The following COMMD1 variants were observed in gnomAD, a reference collection of about 807,000 sequenced individuals.
COMMD1 encodes copper metabolism domain containing 1.
A neutral mutation model predicts 17.2 loss-of-function variants in COMMD1; 10 were observed. That is an observed-to-expected ratio of 0.58 (90% confidence interval 0.36 to 0.99). COMMD1 has a LOEUF of 0.99. Ranked by LOEUF, COMMD1 falls within the 50% of genes least tolerant of loss-of-function variation. The probability of loss-of-function intolerance (pLI) is 0.01; values close to 1 mark genes in which losing one functional copy is unlikely to be tolerated. For synonymous variants in COMMD1, 97 were observed against 91.6 expected (o/e 1.06, Z -0.34); for missense variants, 270 against 231.8 (o/e 1.17, Z -1.07).
chr2:61,903,635 C>T (rs1669705348), upstream of COMMD1, among the ~76,000 whole-genome samples: 1 of 151,748 alleles, frequency 6.6e-6, no homozygotes, highest in Non-Finnish European at 1.5e-5. Context: ...TCACTGCAGC[C>T]TCTGCTTCCT....
chr2:62,105,872 G>A (rs1015241896), intron 2 of COMMD1, among the ~76,000 whole-genome samples: 1 of 152,124 alleles, frequency 6.6e-6, no homozygotes, highest in Admixed American at 6.5e-5. Context: ...ATTTACTGCC[G>A]CAAAGACAGC....
At chr2:61,975,270 G>A (rs138262675) in intron 1 of COMMD1, among the ~76,000 whole-genome samples, 205 of 151,918 alleles carry the variant, frequency 1.3e-3, no homozygotes, top group Non-Finnish European at 2.3e-3. Flanking sequence ...CCTACTGAAG[G>A]ACATTTTGGT....
intron 1 of COMMD1, among the ~76,000 whole-genome samples, chr2:61,968,799 C>T (rs560388337): frequency 6.6e-6 from 1 of 152,130 alleles, no homozygotes; most frequent in East Asian, 1.9e-4. Context: ...CTCAAGCAGT[C>T]CATTTGCCTC....
chr2:62,039,059 C>T (rs1240373040), intron 2 of COMMD1, among the ~76,000 whole-genome samples: 1 of 152,152 alleles, frequency 6.6e-6, no homozygotes, highest in Non-Finnish European at 1.5e-5. Context: ...CTTTCTCTGC[C>T]ATTCCCAAGA....
chr2:62,127,991 C>A (rs968292557), intron 2 of COMMD1, among the ~76,000 whole-genome samples: 1 of 136,940 alleles, frequency 7.3e-6, no homozygotes, highest in Admixed American at 8.0e-5. Flanking sequence ...CACTGCACTT[C>A]AGCCTGGGAG....
intron 2 of COMMD1, among the ~76,000 whole-genome samples, chr2:62,009,442 T>C (rs1169104213): frequency 6.6e-6 from 1 of 151,862 alleles, no homozygotes; most frequent in Non-Finnish European, 1.5e-5. Context: ...CAGTCTCTAC[T>C]GAAAATACAA....
intron 2 of COMMD1, among the ~76,000 whole-genome samples, chr2:62,056,131 G>C (rs1250954468): frequency 6.6e-6 from 1 of 152,164 alleles, no homozygotes; most frequent in Non-Finnish European, 1.5e-5. Context: ...TTCACTACTT[G>C]GGTCAAAGAG....
At position 62,027,113 on chromosome 2, in the gene COMMD1, AC is replaced by A. The variant is rs1205062877; in HGVS notation, c.462+26132del. Among the ~76,000 whole-genome samples, 4 of 152,208 alleles carry A rather than the reference AC, an allele frequency of 2.6e-5. No individual in the cohort carries two copies. The East Asian group carries it at 7.7e-4, about 29-fold the overall frequency. ...TTTTATTCACTTTTGTCAAAAAATC[AC>A]TAGCCTAAAAGTGTAAATCCCAATC... On this transcript the variant is annotated intron_variant, in intron 2 of 2. Transcript: ENST00000311832.
chr2:62,084,729 A>G (rs1671612649), intron 2 of COMMD1: 2 of 152,186 alleles, frequency 1.3e-5, no homozygotes, highest in South Asian at 4.1e-4. Flanking sequence ...TAACATGTCT[A>G]GTCTTAGTAG....
chr2:61,955,312 T>TTCTCTCTCTCTCTCTCTCTC, intron 1 of COMMD1, among the ~76,000 whole-genome samples: 1 of 145,382 alleles, frequency 6.9e-6, no homozygotes, highest in South Asian at 2.3e-4. Context: ...CTCTCTCTCT[T>TTCTCTCTCTCTCTCTCTCTC]TCTCTCTCTC....
intron 2 of COMMD1, among the ~76,000 whole-genome samples, chr2:62,002,491 GAAAAAAAAAAA>G (rs11310507): frequency 1.4e-4 from 5 of 35,084 alleles, no homozygotes; most frequent in Admixed American, 5.5e-4. Flanking sequence ...GATTCCACCA[GAAAAAAAAAAA>G]AAAAAAAAAA....
At chr2:62,011,064 C>G (rs1329982810) in intron 2 of COMMD1, among the ~76,000 whole-genome samples, 1 of 152,104 alleles carries the variant, frequency 6.6e-6, no homozygotes, top group African/African-American at 2.4e-5. Flanking sequence ...CTTGCTCTTG[C>G]CTCTTTCTCA....
chr2:62,075,822 A>G (rs1671324286), intron 2 of COMMD1, among the ~76,000 whole-genome samples: 1 of 152,248 alleles, frequency 6.6e-6, no homozygotes. Flanking sequence ...CATAAAAATT[A>G]AGCACATTTC....
chr2:62,068,156 A>G (rs545948568), intron 2 of COMMD1, among the ~76,000 whole-genome samples: 1 of 152,338 alleles, frequency 6.6e-6, no homozygotes, highest in East Asian at 1.9e-4. Context: ...TATTTGGTCA[A>G]TTGATTCTCA....
intron 1 of COMMD1, among the ~76,000 whole-genome samples, chr2:61,945,051 C>G (rs1321374754): frequency 6.6e-6 from 1 of 152,174 alleles, no homozygotes; most frequent in Non-Finnish European, 1.5e-5. Context: ...TGGAGCTCGT[C>G]AAACCTGATG....
chr2:62,003,508 T>A (rs1242127994), intron 2 of COMMD1, among the ~76,000 whole-genome samples: 2 of 149,958 alleles, frequency 1.3e-5, no homozygotes, highest in African/African-American at 4.9e-5. Flanking sequence ...GCCACCGCAC[T>A]CCAGCCTGGG....
intron 2 of COMMD1, among the ~76,000 whole-genome samples, chr2:62,076,957 C>T (rs1400957671): frequency 6.6e-6 from 1 of 152,034 alleles, no homozygotes; most frequent in East Asian, 1.9e-4. Context: ...CATGGCGAGA[C>T]CCTGTCTCCA....
intron 2 of COMMD1, among the ~76,000 whole-genome samples, chr2:62,089,842 A>C (rs1235569032): frequency 6.6e-6 from 1 of 152,114 alleles, no homozygotes; most frequent in Non-Finnish European, 1.5e-5. Flanking sequence ...AGCATTCCTC[A>C]GAATGCATAT....
intron 1 of COMMD1, among the ~76,000 whole-genome samples, chr2:61,891,462 G>T (rs781287541): frequency 9.9e-5 from 15 of 152,112 alleles, no homozygotes; most frequent in Non-Finnish European, 1.9e-4. Context: ...ATGGCCGGGC[G>T]TGGTGGCTCA....
Sources: gnomAD v4.1 joint callset for allele counts (sites outside exome capture counted in the v4.1 genomes callset) on GRCh38, gnomAD v4.1.1 for gene constraint, MANE v1.5 for transcripts, NCBI Gene and HGNC (gene_info 2026-07-23, HGNC 2026-07-21) for gene names.